Variants in MARK3 observed in about 807,000 individuals in gnomAD.
MARK3 encodes MAP/microtubule affinity-regulating kinase 3.
A neutral mutation model predicts 90.1 loss-of-function variants in MARK3; 46 were observed. The observed-to-expected ratio is 0.51, with a 90% CI of 0.40 to 0.65. The LOEUF (loss-of-function observed/expected upper bound fraction) is 0.65. Among genes scored for constraint, MARK3 ranks in the 30% least tolerant of loss-of-function variants. The pLI, the probability that MARK3 is intolerant of heterozygous loss-of-function variation, is 0.00. For synonymous variants in MARK3, 321 were observed against 332.6 expected (o/e 0.97, Z 0.38); for missense variants, 818 against 947.2 (o/e 0.86, Z 1.79).
At position 103,480,986 on chromosome 14, in the gene MARK3, G is replaced by A. The variant is rs1295727337; in HGVS notation, c.1586+496G>A. On this transcript the variant is annotated intron_variant, in intron 14 of 17. Transcript: ENST00000429436. ...CTGGAGAAGCCAAGAGAAGTGGAAA[G>A]TCCAGCCTTCTGAATGCTTTTAATT... Among the ~76,000 whole-genome samples, 8 of 152,198 alleles carry A rather than the reference G, an allele frequency of 5.3e-5. No homozygotes were observed. In the South Asian group the frequency reaches 1.7e-3, roughly 32 times the overall value.
rs376529319 is a variant in MARK3, at chr14:103,386,072, A to T, written c.43A>T (p.Thr15Ser). The T allele has an allele frequency of 1.2e-6, 2 of 1,614,096 alleles. No homozygotes were observed. The highest frequency in any genetic ancestry group is 2.7e-5 in the African/African-American group (2 of 74,944). ...ATTGCCAACGGTGAATGAACGAGAC[A>T]CTGAAAACGTAAGTAACCTGGGCGT... Reference protein sequence around the residue: ...TPLPTVNERDTENHTSHGDGR... With the variant: ...TPLPTVNERDSENHTSHGDGR... The change falls in exon 1 of 18, where the codon ACT becomes TCT. Residue 15 changes from threonine (T) to serine (S), a missense_variant. By Grantham distance (58) the Thr-to-Ser change is moderately conservative (BLOSUM62 1). Around this residue, in one of 3 missense-constraint regions of MARK3, gnomAD observed 157 missense variants for 158.7 expected, o/e 0.99. Transcript: ENST00000429436.
intron 1 of MARK3, among the ~76,000 whole-genome samples, chr14:103,400,976 T>TGTGTGTGC (rs2090926134): frequency 2.1e-5 from 3 of 146,216 alleles, no homozygotes; most frequent in African/African-American, 8.0e-5. Context: ...TGTGTGTGTG[T>TGTGTGTGC]GTGTGTATGC....
At chr14:103,498,674 A>G (rs893076002) in intron 16 of MARK3, 146 bp downstream of exon 16, 2 of 833,908 alleles carry the variant, frequency 2.4e-6, no homozygotes, top group Non-Finnish European at 3.2e-6. Context: ...CCTTGAAAGG[A>G]AATTGAAAAG....
intron 1 of MARK3, among the ~76,000 whole-genome samples, chr14:103,404,635 G>A (rs1291121775): frequency 6.6e-6 from 1 of 152,152 alleles, no homozygotes; most frequent in Non-Finnish European, 1.5e-5. Flanking sequence ...AGGAAATCGG[G>A]AATCCAGATT....
At chr14:103,437,035 G>A (rs1229144671) in intron 3 of MARK3, among the ~76,000 whole-genome samples, 1 of 151,776 alleles carries the variant, frequency 6.6e-6, no homozygotes, top group Non-Finnish European at 1.5e-5. Flanking sequence ...GGAGGTTGCA[G>A]TGAGCCAAGA....
In MARK3 at chr14:103,502,923, C is replaced by G. The variant is rs1480796396; in HGVS notation, c.1958C>G (p.Ala653Gly). ...GAGCAAAAAGATGAAAACAAAGAAG[C>G]AAAGCCTCGATCCCTACGCTTCACC... ...SAEQKDENKE[A>G]KPRSLRFTWS... is the part of the protein sequence containing the mutation. Residue 653 changes from alanine (A) to glycine (G), a missense_variant, in exon 18 of 18, where the codon GCA becomes GGA. Physicochemically the swap from Ala to Gly is moderately conservative, Grantham distance 60 (BLOSUM62 0). Around this residue, in one of 3 missense-constraint regions of MARK3, gnomAD observed 560 missense variants for 613.5 expected, o/e 0.91. Coordinates refer to ENST00000429436, the MANE Select transcript of MARK3 (RefSeq NM_001128918.3). The G allele has an allele frequency of 6.2e-7, 1 of 1,613,720 alleles. No homozygotes were observed. The highest frequency in any genetic ancestry group is 1.3e-5 in the African/African-American group (1 of 75,052).
intron 2 of MARK3, chr14:103,412,515 C>G (rs895002783): frequency 1.9e-6 from 1 of 529,774 alleles, no homozygotes; most frequent in Non-Finnish European, 3.4e-6. Context: ...TCAGTGTCCA[C>G]TTGGGGGGAT....
chr14:103,495,332 T>C (rs1319454495), intron 15 of MARK3, among the ~76,000 whole-genome samples: 1 of 152,124 alleles, frequency 6.6e-6, no homozygotes, highest in Non-Finnish European at 1.5e-5. Flanking sequence ...ATACAAAAAT[T>C]AGCTTGATGT....
chr14:103,451,163 G>GCCT, intron 4 of MARK3, among the ~76,000 whole-genome samples: 1 of 151,882 alleles, frequency 6.6e-6, no homozygotes, highest in Admixed American at 6.6e-5. Flanking sequence ...CAACTCCTCA[G>GCCT]CAGAAACGAT....
chr14:103,416,580 G>A (rs1042427372), intron 2 of MARK3, among the ~76,000 whole-genome samples: 11 of 152,290 alleles, frequency 7.2e-5, no homozygotes, highest in African/African-American at 2.6e-4. Context: ...AGACCAGCCT[G>A]GCCAACATGG....
At position 103,385,990 on chromosome 14, in the gene MARK3, G is replaced by A. The variant is rs770539838; in HGVS notation, c.-40G>A. 6 of 1,575,928 alleles carry A rather than the reference G, an allele frequency of 3.8e-6. No homozygotes were observed. The highest frequency in any genetic ancestry group is 5.2e-6 in the Non-Finnish European group (6 of 1,145,126). ...CGGCCTCCTAGGGCTGTGCTGTTTT[G>A]TTTTGACCCTCGCATTGTGCAGAAT... On this transcript the variant is annotated 5_prime_UTR_variant, in exon 1 of 18. Transcript: ENST00000429436.
At chr14:103,386,448 TGGTC>T (rs1167001958) in intron 1 of MARK3, 1 of 554,464 alleles carries the variant, frequency 1.8e-6, no homozygotes, top group African/African-American at 1.9e-5. Flanking sequence ...GCTTTTAACT[TGGTC>T]AGGCAGTTCT....
At chr14:103,482,480 C>T (rs2093843889) in intron 14 of MARK3, among the ~76,000 whole-genome samples, 1 of 151,876 alleles carries the variant, frequency 6.6e-6, no homozygotes. Flanking sequence ...GAGATCGCGC[C>T]ACTGCAGTCC....
chr14:103,486,698 A>G (rs2093935585), intron 14 of MARK3, among the ~76,000 whole-genome samples: 2 of 152,220 alleles, frequency 1.3e-5, no homozygotes, highest in East Asian at 1.9e-4. Flanking sequence ...CCTGTTGTAA[A>G]TAGGATTTTT....
At chr14:103,418,536 C>T (rs1402070917) in intron 2 of MARK3, among the ~76,000 whole-genome samples, 2 of 152,160 alleles carry the variant, frequency 1.3e-5, no homozygotes, top group African/African-American at 4.8e-5. Context: ...TAAGAATCTT[C>T]TCTTCTGCCT....
chr14:103,388,938 C>T (rs1252521587), intron 1 of MARK3, among the ~76,000 whole-genome samples: 2 of 152,018 alleles, frequency 1.3e-5, no homozygotes, highest in African/African-American at 4.8e-5. Flanking sequence ...ACATTTTTGG[C>T]TATTGTGACT....
intron 13 of MARK3, among the ~76,000 whole-genome samples, chr14:103,475,516 C>T (rs773735455): frequency 1.1e-4 from 17 of 152,150 alleles, no homozygotes; most frequent in Non-Finnish European, 2.1e-4. Context: ...CAACAAGTTC[C>T]GTGTCTGGCA....
At chr14:103,431,428 C>A (rs1013883837) in intron 3 of MARK3, among the ~76,000 whole-genome samples, 2 of 151,844 alleles carry the variant, frequency 1.3e-5, no homozygotes, top group Non-Finnish European at 2.9e-5. Flanking sequence ...GTCAGGAGTT[C>A]GAGACCAGCC....
chr14:103,502,102 G>GTAT, intron 17 of MARK3, among the ~76,000 whole-genome samples: 1 of 152,320 alleles, frequency 6.6e-6, no homozygotes, highest in Admixed American at 6.5e-5. Context: ...GGAGTGGCTG[G>GTAT]TAAACCGCGG....
Sources: gnomAD v4.1 joint callset for allele counts (sites outside exome capture counted in the v4.1 genomes callset) on GRCh38, gnomAD v4.1.1 for gene constraint, gnomAD v4.1.1 regional missense constraint, MANE v1.5 for transcripts, NCBI Gene and HGNC (gene_info 2026-07-23, HGNC 2026-07-21) for gene names.